The following TADA3 variants were observed in gnomAD, a reference collection of about 807,000 sequenced individuals.
TADA3 encodes the protein transcriptional adapter 3.
Under a neutral mutation model 43.2 loss-of-function variants are expected in TADA3, and 25 were observed. The ratio of observed to expected loss-of-function variants is 0.58; its 90% CI spans 0.42 to 0.81. The LOEUF (loss-of-function observed/expected upper bound fraction) is 0.81, where lower values mean the gene tolerates loss of function less well. TADA3 is among the 30% of genes least tolerant of loss of function. The probability of loss-of-function intolerance (pLI) is 0.00; values close to 1 mark genes in which losing one functional copy is unlikely to be tolerated. For synonymous variants in TADA3, 235 were observed against 225.5 expected, an observed-to-expected ratio of 1.04 and a Z score of -0.38; for missense variants, 441 against 567.8, an observed-to-expected ratio of 0.78 and a Z score of 2.27.
intron 8 of TADA3, 195 bp downstream of exon 8, chr3:9,783,833 G>A (rs2078539581): frequency 1.0e-6 from 1 of 992,742 alleles, no homozygotes; most frequent in Non-Finnish European, 1.4e-6. Flanking sequence ...AGATGCCTGA[G>A]CCCCACTCTG....
intron 4 of TADA3, 110 bp downstream of exon 4, chr3:9,789,399 T>G: frequency 1.0e-6 from 1 of 974,788 alleles, no homozygotes; most frequent in African/African-American, 1.6e-5. Flanking sequence ...GACAGCAGAC[T>G]GGGCAGGGTT....
chr3:9,784,326 C>A (rs2078553479), intron 7 of TADA3, 113 bp from the exon 8 acceptor site: 6 of 1,376,980 alleles, frequency 4.4e-6, no homozygotes, highest in Non-Finnish European at 5.8e-6. Context: ...CCTTTGGGCA[C>A]CCCCTCTGTA....
chr3:9,783,744 C>G (rs2078536797), intron 8 of TADA3: 1 of 328,372 alleles, frequency 3.0e-6, no homozygotes, highest in South Asian at 5.3e-5. Context: ...TGCCACTGCA[C>G]TCCAGCCTGG....
At chr3:9,791,758 C>T (rs1286424249) in intron 1 of TADA3, among the ~76,000 whole-genome samples, 2 of 152,220 alleles carry the variant, frequency 1.3e-5, no homozygotes, top group Non-Finnish European at 2.9e-5. Context: ...AACTGAGACT[C>T]TGTAAGGGTG....
chr3:9,789,490 C>G lies in TADA3; in HGVS notation c.564+19G>C. 1 of 1,607,712 alleles carries G rather than the reference C, an allele frequency of 6.2e-7. No individual in the cohort carries two copies. Among genetic ancestry groups the G allele is most frequent in the East Asian group, 2.2e-5 (1 of 44,856 alleles). ...CTCTCTTGTTCCGCATCATGTCTAT[C>G]AAGGCCCAGAGTTTCTACCTTGTAA... On this transcript the variant is annotated intron_variant, in intron 4 of 8. Coordinates refer to ENST00000301964, the MANE Select transcript of TADA3 (RefSeq NM_006354.5).
At chr3:9,788,534 C>T (rs293789) in intron 4 of TADA3, among the ~76,000 whole-genome samples, 28,390 of 149,324 alleles carry the variant, frequency 0.19, 3,043 homozygotes, top group African/African-American at 0.28. Flanking sequence ...CTTGAGCCAC[C>T]GCACCCGGCT....
At chr3:9,787,384 C>A (rs1354731498) in intron 4 of TADA3, 44 bp from the exon 5 acceptor site, 11 of 1,561,694 alleles carry the variant, frequency 7.0e-6, no homozygotes, top group African/African-American at 1.4e-5. Flanking sequence ...TAAGCACTGG[C>A]CAGCCATGCT....
At chr3:9,783,831 G>A in intron 8 of TADA3, 197 bp downstream of exon 8, 1 of 971,974 alleles carries the variant, frequency 1.0e-6, no homozygotes, top group Non-Finnish European at 1.4e-6. Context: ...ACAGATGCCT[G>A]AGCCCCACTC....
chr3:9,787,617 G>A (rs527262040), intron 4 of TADA3: 1 of 1,221,312 alleles, frequency 8.2e-7, no homozygotes, highest in Non-Finnish European at 1.1e-6. Context: ...GATTGTCTCA[G>A]GTCACAGCAA....
rs1173953629 is a variant in TADA3, at chr3:9,780,451, C to T, written c.1205G>A (p.Arg402Gln). The change falls in exon 9 of 9, where the codon CGG (arginine) becomes CAG (glutamine). Residue 402 changes from arginine (R) to glutamine (Q), a missense_variant. Coordinates refer to ENST00000301964, the MANE Select transcript of TADA3 (RefSeq NM_006354.5). ...CTTGGTGGGAGTCCGCTTCTTCTGC[C>T]GGGCAGCCATGATCTTGCGAAAGGC... ...MDAFRKIMAA[R>Q]QKKRTPTKKE... The T allele has an allele frequency of 1.2e-6, 2 of 1,612,196 alleles. No individual in the cohort carries two copies. Among genetic ancestry groups the T allele is most frequent in the East Asian group, 2.2e-5 (1 of 44,850 alleles).
At chr3:9,784,694 G>A (rs559746614) in intron 7 of TADA3, among the ~76,000 whole-genome samples, 7 of 151,830 alleles carry the variant, frequency 4.6e-5, no homozygotes, top group African/African-American at 1.7e-4. Flanking sequence ...GTGAAACCCC[G>A]TCTCTACTAA....
rs775263472 is a variant in TADA3, at chr3:9,780,324, G to C, written c.*33C>G. 1.3e-6 allele frequency: 2 copies of C among 1,589,490 alleles called. No individual in the cohort carries two copies. Among genetic ancestry groups the C allele is most frequent in the Non-Finnish European group, 1.7e-6 (2 of 1,167,608 alleles). Reference sequence around the variant, plus strand: ...AGTGGGCCTCCCTTCCCCTCCCCTAGGCCAGATAATCAGCCTGAGGCAGGG... The same window carrying C: ...AGTGGGCCTCCCTTCCCCTCCCCTACGCCAGATAATCAGCCTGAGGCAGGG... On this transcript the variant is annotated 3_prime_UTR_variant, in exon 9 of 9. Coordinates refer to ENST00000301964, the MANE Select transcript of TADA3 (RefSeq NM_006354.5).
intron 6 of TADA3, among the ~76,000 whole-genome samples, chr3:9,785,760 T>C (rs1428753710): frequency 6.6e-6 from 1 of 152,220 alleles, no homozygotes; most frequent in Admixed American, 6.5e-5. Flanking sequence ...CCGAATGCCA[T>C]ACTCTTCTTT....
chr3:9,787,578 C>T (rs1286705710), intron 4 of TADA3: 3 of 1,035,406 alleles, frequency 2.9e-6, no homozygotes, highest in Non-Finnish European at 2.7e-6. Flanking sequence ...AAATAATTCC[C>T]AAGATAGAAG....
intron 4 of TADA3, chr3:9,787,827 GA>G (rs1202116640): frequency 1.3e-6 from 1 of 751,380 alleles, no homozygotes; most frequent in Non-Finnish European, 2.0e-6. Flanking sequence ...TGGGGAATCT[GA>G]AAGAGTGCTT....
intron 7 of TADA3, 143 bp from the exon 8 acceptor site, chr3:9,784,356 AG>A: frequency 5.5e-6 from 6 of 1,083,640 alleles, no homozygotes; most frequent in Non-Finnish European, 7.6e-6. Context: ...ATACAAAGGG[AG>A]GGACAGACAC....
intron 1 of TADA3, among the ~76,000 whole-genome samples, chr3:9,791,759 T>C (rs192088469): frequency 8.2e-4 from 125 of 152,354 alleles, no homozygotes; most frequent in Non-Finnish European, 1.6e-3. Flanking sequence ...ACTGAGACTC[T>C]GTAAGGGTGG....
upstream of TADA3, chr3:9,792,805 G>A (rs2078774254): frequency 1.5e-6 from 2 of 1,333,874 alleles, no homozygotes; most frequent in East Asian, 3.1e-5. Context: ...CTGAAGCTGG[G>A]CTGTACCATT....
upstream of TADA3, chr3:9,792,527 G>A (rs748478414): frequency 1.5e-5 from 18 of 1,223,326 alleles, no homozygotes; most frequent in Middle Eastern, 3.2e-4. Flanking sequence ...CAGCGAGGGC[G>A]AGCCTACTGG....
Sources: gnomAD v4.1 joint callset for allele counts (sites outside exome capture counted in the v4.1 genomes callset) on GRCh38, gnomAD v4.1.1 for gene constraint, MANE v1.5 for transcripts, NCBI Gene and HGNC (gene_info 2026-07-23, HGNC 2026-07-21) for gene names.